Variants in KIAA1217 observed in about 807,000 individuals in gnomAD.
The protein encoded by KIAA1217 is sickle tail protein homolog.
In KIAA1217, 88 loss-of-function variants were observed where a neutral mutation model predicts 163.9. That is an observed-to-expected ratio of 0.54 (90% CI 0.45 to 0.64). KIAA1217 has a LOEUF of 0.64. KIAA1217 is among the 30% of genes least tolerant of loss of function. The pLI is 0.00. For synonymous variants in KIAA1217, 903 were observed against 923.1 expected (o/e 0.98, Z 0.39); for missense variants, 2,372 against 2,475.0 (o/e 0.96, Z 0.88).
At chr10:24,134,634 C>T (rs1373434635) in intron 2 of KIAA1217, among the ~76,000 whole-genome samples, 2 of 152,238 alleles carry the variant, frequency 1.3e-5, no homozygotes, top group East Asian at 1.9e-4. Context: ...AGTGCAGTAG[C>T]ATGATCAGAG....
intron 2 of KIAA1217, among the ~76,000 whole-genome samples, chr10:24,123,324 A>G (rs576668960): frequency 1.3e-5 from 2 of 152,276 alleles, no homozygotes; most frequent in South Asian, 2.1e-4. Context: ...ATACCTATAT[A>G]TAGGTCCATT....
chr10:24,276,636 A>T (rs1473395763), intron 2 of KIAA1217, among the ~76,000 whole-genome samples: 2 of 146,890 alleles, frequency 1.4e-5, no homozygotes, highest in African/African-American at 5.1e-5. Flanking sequence ...CTGAGATGGA[A>T]TCTCACTTTG....
intron 1 of KIAA1217, among the ~76,000 whole-genome samples, chr10:23,942,090 C>T (rs1843798821): frequency 6.6e-6 from 1 of 152,080 alleles, no homozygotes; most frequent in South Asian, 2.1e-4. Flanking sequence ...CAACTCAATA[C>T]ATATTACATA....
chr10:24,219,684 C>A lies in KIAA1217; in HGVS notation c.129C>A (p.Thr43=). Residue 43 remains threonine, a synonymous_variant, in exon 2 of 21, where the codon ACC becomes ACA. Transcript: ENST00000376454. ...CAGAAGATGCAGAATGCCGCAGAACCAAGGAACGCCTTTCTAATGGAAACA... is the reference window on the plus strand; with the variant it reads ...CAGAAGATGCAGAATGCCGCAGAACAAAGGAACGCCTTTCTAATGGAAACA... The part of the protein sequence containing the change: ...TSPEDAECRR[T]KERLSNGNSR... 2 of 1,613,702 alleles carry A rather than the reference C, an allele frequency of 1.2e-6. No individual in the cohort carries two copies. Among genetic ancestry groups the A allele is most frequent in the Middle Eastern group, 1.7e-4 (1 of 6,060 alleles).
intron 5 of KIAA1217, among the ~76,000 whole-genome samples, chr10:24,464,556 T>G (rs11819298): frequency 0.11 from 16,096 of 152,148 alleles, 891 homozygotes; most frequent in African/African-American, 0.14. Context: ...TGATCTTGGC[T>G]CACTGTAGCC....
At chr10:23,950,458 C>T (rs1844282731) in intron 1 of KIAA1217, among the ~76,000 whole-genome samples, 4 of 148,716 alleles carry the variant, frequency 2.7e-5, no homozygotes, top group Non-Finnish European at 5.9e-5. Context: ...GTTTTAAACA[C>T]ATAAACGACT....
At chr10:24,166,769 T>A (rs1263015751) in intron 2 of KIAA1217, among the ~76,000 whole-genome samples, 1 of 152,058 alleles carries the variant, frequency 6.6e-6, no homozygotes, top group Admixed American at 6.5e-5. Context: ...AGGGCATAAT[T>A]CAGATGTTCC....
At chr10:23,713,773 C>G (rs936836012) in intron 1 of KIAA1217, among the ~76,000 whole-genome samples, 1 of 152,080 alleles carries the variant, frequency 6.6e-6, no homozygotes, top group Non-Finnish European at 1.5e-5. Flanking sequence ...TTGAAGACAT[C>G]CTAAAAAAGA....
At chr10:24,201,238 T>G (rs550705470) in intron 2 of KIAA1217, among the ~76,000 whole-genome samples, 2 of 152,270 alleles carry the variant, frequency 1.3e-5, no homozygotes, top group South Asian at 4.1e-4. Flanking sequence ...AAGACTGTGC[T>G]CCAGCTTGGG....
At chr10:24,536,659 C>A in intron 16 of KIAA1217, 115 bp from the exon 17 acceptor site, 2 of 1,089,062 alleles carry the variant, frequency 1.8e-6, no homozygotes, top group Admixed American at 2.1e-5. Flanking sequence ...CTGGCCTAAA[C>A]CTGCGTGCAG....
At chr10:24,237,004 G>A (rs1050368280) in intron 2 of KIAA1217, among the ~76,000 whole-genome samples, 1 of 152,180 alleles carries the variant, frequency 6.6e-6, no homozygotes, top group Non-Finnish European at 1.5e-5. Context: ...TCAAGACAGA[G>A]AGTCTTATTT....
At position 24,240,866 on chromosome 10, in the gene KIAA1217, T is replaced by TA. The variant is rs1316007065; in HGVS notation, c.354+20967dup. ...GTAAGGCTAGTAGTCTTTTTTTTTT[T>TA]AAAAAAAAAAGACAGGGTCTCACTC... On this transcript the variant is annotated intron_variant, in intron 2 of 20. Coordinates refer to ENST00000376454, the MANE Select transcript of KIAA1217 (RefSeq NM_019590.5). Among the ~76,000 whole-genome samples the TA allele has an allele frequency of 3.0e-3, 441 of 146,982 alleles. 3 individuals carry two copies. The highest frequency in any genetic ancestry group is 0.021 in the East Asian group (105 of 5,082).
At chr10:24,039,841 T>TAGATAC (rs1475559949) in intron 2 of KIAA1217, among the ~76,000 whole-genome samples, 1 of 127,404 alleles carries the variant, frequency 7.8e-6, no homozygotes, top group African/African-American at 2.7e-5. Context: ...GATATAGATA[T>TAGATAC]AGATATAATC....
chr10:24,478,016 T>A (rs542571413), intron 6 of KIAA1217, among the ~76,000 whole-genome samples: 78 of 152,264 alleles, frequency 5.1e-4, no homozygotes, highest in Admixed American at 9.8e-4. Flanking sequence ...AATATGAGAG[T>A]GTTTTTCATA....
chr10:23,927,071 C>A (rs751149161), intron 1 of KIAA1217, among the ~76,000 whole-genome samples: 1 of 151,436 alleles, frequency 6.6e-6, no homozygotes, highest in South Asian at 2.1e-4. Context: ...CCATGCCTGG[C>A]TAATTTTTGT....
At chr10:24,519,033 A>G (rs1294175026) in intron 10 of KIAA1217, among the ~76,000 whole-genome samples, 2 of 152,166 alleles carry the variant, frequency 1.3e-5, no homozygotes, top group Admixed American at 1.3e-4. Flanking sequence ...CGCAGCTGCC[A>G]TGCGATCCAG....
chr10:23,871,023 T>C (rs939979125), intron 1 of KIAA1217, among the ~76,000 whole-genome samples: 15 of 152,122 alleles, frequency 9.9e-5, no homozygotes, highest in African/African-American at 3.1e-4. Flanking sequence ...CTTTTCTTTT[T>C]TTTTTTCCAC....
intron 1 of KIAA1217, among the ~76,000 whole-genome samples, chr10:24,211,370 T>C (rs1264948837): frequency 7.2e-5 from 10 of 139,154 alleles, no homozygotes; most frequent in African/African-American, 2.4e-4. Context: ...ACTTTTTTTT[T>C]TTTTTTTTTT....
chr10:23,768,943 C>T (rs1423403383), intron 1 of KIAA1217, among the ~76,000 whole-genome samples: 1 of 152,186 alleles, frequency 6.6e-6, no homozygotes. Context: ...GCTGTCCATG[C>T]TGCTAAGGAC....
Sources: allele counts gnomAD v4.1 joint callset (sites outside exome capture counted in the v4.1 genomes callset), GRCh38; gene constraint gnomAD v4.1.1; transcripts MANE v1.5; gene names NCBI Gene and HGNC (gene_info 2026-07-23, HGNC 2026-07-21).